NCOR1: variants seen among roughly 807,000 people sequenced by gnomAD.
NCOR1 encodes the protein protein phosphatase 1, regulatory subunit 109.
Under a neutral mutation model 288.1 loss-of-function variants are expected in NCOR1, and 63 were observed. The ratio of observed to expected loss-of-function variants is 0.22; its 90% CI spans 0.18 to 0.27. The LOEUF (loss-of-function observed/expected upper bound fraction) is 0.27. Among genes scored for constraint, NCOR1 ranks in the 10% least tolerant of loss-of-function variants. The pLI is 1.00. For synonymous variants in NCOR1, 1,007 were observed against 1,065.9 expected (o/e 0.94, Z 1.08); for missense variants, 2,397 against 3,019.2 (o/e 0.79, Z 4.83).
chr17:16,193,627 A>G (rs1253624911), intron 2 of NCOR1, among the ~76,000 whole-genome samples: 1 of 152,198 alleles, frequency 6.6e-6, no homozygotes, highest in Non-Finnish European at 1.5e-5. Flanking sequence ...GCAAAATTCA[A>G]CACCCAATCA....
intron 14 of NCOR1, among the ~76,000 whole-genome samples, chr17:16,127,759 ATC>A (rs34456189): frequency 0.52 from 69,743 of 134,228 alleles, 19,785 homozygotes; most frequent in Middle Eastern, 0.63. Flanking sequence ...ATATATATAT[ATC>A]TCTCATAGTA....
Position 16,072,248 on chromosome 17 carries a change from A to G in NCOR1, c.3812-20T>C, listed in dbSNP as rs758699888. 3.2e-6 allele frequency: 5 copies of G among 1,563,414 alleles called. No individual in the cohort carries two copies. The highest frequency in any genetic ancestry group is 4.4e-6 in the Non-Finnish European group (5 of 1,137,092). Reference sequence around the variant, plus strand: ...TCAGCCCTTCCAAAACAAGAAAGCAATTCAATTATTCAACATAATGTATAT... The same window carrying G: ...TCAGCCCTTCCAAAACAAGAAAGCAGTTCAATTATTCAACATAATGTATAT... On this transcript the variant is annotated intron_variant, in intron 28 of 45. Coordinates refer to ENST00000268712, the MANE Select transcript of NCOR1 (RefSeq NM_006311.4).
chr17:16,183,655 C>T (rs2086005091), intron 3 of NCOR1, among the ~76,000 whole-genome samples: 1 of 152,090 alleles, frequency 6.6e-6, no homozygotes, highest in Non-Finnish European at 1.5e-5. Context: ...AATGTCCACA[C>T]AACCCAAAGA....
chr17:16,156,860 C>T (rs1599592536), intron 6 of NCOR1, among the ~76,000 whole-genome samples: 1 of 152,190 alleles, frequency 6.6e-6, no homozygotes, highest in Non-Finnish European at 1.5e-5. Flanking sequence ...GTCCTCAAAT[C>T]CCAGTGAGGC....
chr17:16,194,500 A>T lies in NCOR1; in HGVS notation c.70T>A (p.Ser24Thr). Reference sequence around the variant, plus strand: ...GTGTTGGGAAATGTATACTGGACAGAGTGAGGAGGATAACGACTTTGTTCT... The same window carrying T: ...GTGTTGGGAAATGTATACTGGACAGTGTGAGGAGGATAACGACTTTGTTCT... ...STEQSRYPPH[S>T]VQYTFPNTRH... The change falls in exon 2 of 46, where the codon TCT (serine) becomes ACT (threonine). Residue 24 changes from serine to threonine, a missense_variant. Ser to Thr is a moderately conservative substitution (Grantham distance 58). This residue lies in a region of NCOR1 where 55 missense variants were observed against 69.6 expected (regional missense o/e 0.79). Transcript: ENST00000268712. 1 of 1,611,284 alleles carries T rather than the reference A, an allele frequency of 6.2e-7. No homozygotes were observed. The highest frequency in any genetic ancestry group is 8.5e-7 in the Non-Finnish European group (1 of 1,178,598).
At position 16,029,473 on chromosome 17, in the gene NCOR1, A is replaced by G. The variant is rs183357905; in HGVS notation, c.*2823T>C. On this transcript the variant is annotated 3_prime_UTR_variant, in exon 46 of 46. Coordinates refer to ENST00000268712, the MANE Select transcript of NCOR1 (RefSeq NM_006311.4). Reference sequence around the variant, plus strand: ...GAATCACTCAGTGTACCAAAATTAAAAGCATTATGAAATTTGCAGTCATAA... The same window carrying G: ...GAATCACTCAGTGTACCAAAATTAAGAGCATTATGAAATTTGCAGTCATAA... 1.5e-5 allele frequency: 4 copies of G among 274,228 alleles called. No homozygotes were observed. The highest frequency in any genetic ancestry group is 9.8e-5 in the Admixed American group (2 of 20,384). The allele number at this position is 274,228 out of a possible 1,614,324, so 17.0% of individuals were successfully genotyped here.
chr17:16,126,109 T>G lies in NCOR1; in HGVS notation c.1607A>C (p.Glu536Ala). The G allele has an allele frequency of 7.0e-7, 1 of 1,435,278 alleles. No individual in the cohort carries two copies. The allele number at this position is 1,435,278 out of a possible 1,614,324, so 88.9% of individuals were successfully genotyped here. ...GGAGTCTTCTTTTTCATCTTTTTCC[T>G]CTTCATCTTTCTTTTCTTCTTCTTT... ...EKKEEEKKDE[E>A]EKDEKEDSKE... Residue 536 changes from glutamate to alanine, a missense_variant, in exon 15 of 46, where the codon GAG (glutamate) becomes GCG (alanine). By Grantham distance (107) the Glu-to-Ala change is moderately radical (BLOSUM62 -1). This residue lies in a region of NCOR1 where 113 missense variants were observed against 139.5 expected (regional missense o/e 0.81). Transcript: ENST00000268712.
intron 45 of NCOR1, among the ~76,000 whole-genome samples, chr17:16,032,720 G>T (rs978742605): frequency 6.6e-6 from 1 of 152,244 alleles, no homozygotes; most frequent in Non-Finnish European, 1.5e-5. Context: ...ATATGAGTGA[G>T]GGCTGCTGAG....
At chr17:16,138,269 A>C in intron 12 of NCOR1, 57 bp from the exon 13 acceptor site, 1 of 1,434,776 alleles carries the variant, frequency 7.0e-7, no homozygotes, top group Non-Finnish European at 9.6e-7. Context: ...ACAACTAAAA[A>C]AAAAAAAACT....
chr17:16,040,225 A>G (rs2057309203), intron 43 of NCOR1: 1 of 656,024 alleles, frequency 1.5e-6, no homozygotes. Flanking sequence ...TAATAGTTTC[A>G]TTCTTTTTGT....
intron 45 of NCOR1, among the ~76,000 whole-genome samples, chr17:16,034,124 G>T (rs964450708): frequency 6.6e-6 from 1 of 152,172 alleles, no homozygotes; most frequent in Non-Finnish European, 1.5e-5. Flanking sequence ...GTACATTCAG[G>T]TACAGTTCTC....
In NCOR1 at chr17:16,171,839, C is replaced by A; in HGVS notation, c.399G>T (p.Leu133=). ...SAAVLPLVHP[L]PEGLRASADA... ...CTGCAGAAGCCCTCAGCCCTTCTGG[C>A]AGCGGGTGCACTAAAGGCAAAACCG... Residue 133 remains leucine (L), a synonymous_variant, in exon 4 of 46, where the codon CTG becomes CTT. Transcript: ENST00000268712. 1 of 1,610,052 alleles carries A rather than the reference C, an allele frequency of 6.2e-7. No individual in the cohort carries two copies. Among genetic ancestry groups the A allele is most frequent in the Non-Finnish European group, 8.5e-7 (1 of 1,178,364 alleles).
intron 3 of NCOR1, among the ~76,000 whole-genome samples, chr17:16,180,218 A>C (rs1370313203): frequency 3.9e-5 from 6 of 152,206 alleles, no homozygotes; most frequent in Admixed American, 3.9e-4. Context: ...ATGCAAATTA[A>C]AACTACAATG....
chr17:16,177,820 T>G (rs896313474), intron 3 of NCOR1, among the ~76,000 whole-genome samples: 1 of 152,186 alleles, frequency 6.6e-6, no homozygotes, highest in Admixed American at 6.5e-5. Flanking sequence ...CACCACCAAT[T>G]GAAATTTTCT....
At chr17:16,066,161 T>A (rs1003429744) in intron 32 of NCOR1, among the ~76,000 whole-genome samples, 6 of 152,214 alleles carry the variant, frequency 3.9e-5, no homozygotes, top group African/African-American at 1.4e-4. Context: ...GAGCAGAGAT[T>A]GGCAAACTTT....
In NCOR1 at chr17:16,053,718, A is replaced by T. The variant is rs542680018; in HGVS notation, c.6392+3796T>A. ...TTTTAAAATTAATATAGATCCAAAAAAGAGCCTGAATAGCCAAGGCAATAC... is the reference window on the plus strand; with the variant it reads ...TTTTAAAATTAATATAGATCCAAAATAGAGCCTGAATAGCCAAGGCAATAC... On this transcript the variant is annotated intron_variant, in intron 40 of 45. Transcript: ENST00000268712. Among the ~76,000 whole-genome samples, 4 of 152,282 alleles carry T rather than the reference A, an allele frequency of 2.6e-5. No individual in the cohort carries two copies. In the South Asian group the frequency reaches 8.3e-4, roughly 32 times the overall value.
chr17:16,180,715 T>C (rs2085222597), intron 3 of NCOR1, among the ~76,000 whole-genome samples: 1 of 152,068 alleles, frequency 6.6e-6, no homozygotes, highest in African/African-American at 2.4e-5. Context: ...GCCACTGTAC[T>C]CCAGCCTGAG....
intron 42 of NCOR1, chr17:16,044,789 G>A: frequency 5.4e-6 from 6 of 1,103,038 alleles, no homozygotes; most frequent in Non-Finnish European, 8.3e-6. Context: ...TGTCAACATT[G>A]GGAGCCTCAT....
chr17:16,124,347 T>A (rs1177797376), intron 15 of NCOR1, among the ~76,000 whole-genome samples: 1 of 152,156 alleles, frequency 6.6e-6, no homozygotes, highest in East Asian at 1.9e-4. Flanking sequence ...TTTTATGTAA[T>A]TCTAGAGAAA....
Sources: allele counts gnomAD v4.1 joint callset (sites outside exome capture counted in the v4.1 genomes callset), GRCh38; gene constraint gnomAD v4.1.1; regional missense constraint gnomAD v4.1.1; transcripts MANE v1.5; gene names NCBI Gene and HGNC (gene_info 2026-07-23, HGNC 2026-07-21).